The following ZNF496 variants were observed in gnomAD, a reference collection of about 807,000 sequenced individuals.
The protein encoded by ZNF496 is zinc finger protein 496, also known as NSD1 (nuclear receptor binding SET-domain containing 1)-interacting zinc finger protein 1.
A neutral mutation model predicts 58.9 loss-of-function variants in ZNF496; 11 were observed. The observed-to-expected ratio is 0.19, with a 90% CI of 0.12 to 0.31. The LOEUF is 0.31. Ranked by LOEUF, ZNF496 falls within the 10% of genes least tolerant of loss-of-function variation. ZNF496 has a pLI of 1.00. For missense variants in ZNF496, 660 were observed against 783.0 expected, an observed-to-expected ratio of 0.84 and a Z score of 1.88; for synonymous variants, 338 against 318.2, an observed-to-expected ratio of 1.06 and a Z score of -0.66.
chr1:247,307,466 A>G, intron 9 of ZNF496: 1 of 985,452 alleles, frequency 1.0e-6, no homozygotes, highest in Non-Finnish European at 1.2e-6. Context: ...AAGCTAGAGA[A>G]GATTCAAAGT....
At chr1:247,316,149 T>TGTGTGG (rs1659762093) in intron 6 of ZNF496, among the ~76,000 whole-genome samples, 1 of 137,536 alleles carries the variant, frequency 7.3e-6, no homozygotes, top group South Asian at 2.4e-4. Context: ...TGTGTGTGTG[T>TGTGTGG]GTGTGTGTGT....
intron 2 of ZNF496, among the ~76,000 whole-genome samples, chr1:247,330,947 C>G (rs937211573): frequency 6.6e-6 from 1 of 152,280 alleles, no homozygotes; most frequent in African/African-American, 2.4e-5. Context: ...CATATGGGGG[C>G]CGTGGCGGCG....
chr1:247,305,231 C>T (rs984483562), intron 9 of ZNF496, among the ~76,000 whole-genome samples: 2 of 151,978 alleles, frequency 1.3e-5, no homozygotes, highest in African/African-American at 2.4e-5. Context: ...GCCAAGATCG[C>T]GCCACTGTTC....
chr1:247,310,584 T>A, intron 6 of ZNF496, 128 bp from the exon 7 acceptor site: 2 of 1,304,314 alleles, frequency 1.5e-6, no homozygotes, highest in Non-Finnish European at 2.1e-6. Flanking sequence ...AATCTGTTCC[T>A]CACAGTTCTG....
At chr1:247,322,635 A>T in intron 6 of ZNF496, 1 of 1,111,260 alleles carries the variant, frequency 9.0e-7, no homozygotes, top group Non-Finnish European at 1.2e-6. Flanking sequence ...AGAGCACCCG[A>T]GTAAGCAAGT....
At chr1:247,321,970 C>G (rs1659978614) in intron 6 of ZNF496, among the ~76,000 whole-genome samples, 1 of 152,164 alleles carries the variant, frequency 6.6e-6, no homozygotes, top group Non-Finnish European at 1.5e-5. Flanking sequence ...CCATCCCTAG[C>G]CCTCCCTTCT....
Position 247,329,504 on chromosome 1 carries a change from A to G in ZNF496, c.75T>C (p.Pro25=), listed in dbSNP as rs775060987. 77 of 1,589,180 alleles carry G rather than the reference A, an allele frequency of 4.8e-5. No homozygotes were observed. The highest frequency in any genetic ancestry group is 5.1e-5 in the Non-Finnish European group (60 of 1,171,702). ...SEEPRKMRSP[P]GENPSPQGEL... ...CCCCCTGGGGGCTAGGGTTCTCTCCAGGTGGGCTCCTCATTTTCCTGGGCT... is the reference window on the plus strand; with the variant it reads ...CCCCCTGGGGGCTAGGGTTCTCTCCGGGTGGGCTCCTCATTTTCCTGGGCT... Residue 25 remains proline (P), a synonymous_variant, in exon 4 of 10, where the codon CCT becomes CCC. Transcript: ENST00000682384. The surrounding 1 kb of genome is among the most constrained non-coding windows in gnomAD (Gnocchi z 5.5).
In ZNF496 at chr1:247,329,492, A is replaced by G. The variant is rs757758643; in HGVS notation, c.87T>C (p.Pro29=). The change falls in exon 4 of 10, where the codon CCT becomes CCC. Residue 29 remains proline (P), a synonymous_variant. Coordinates refer to ENST00000682384, the MANE Select transcript of ZNF496 (RefSeq NM_032752.3). This position sits in a 1 kb window ranked among gnomAD's most constrained non-coding sequence, Gnocchi z 5.5. ...GGCTGGGAAGCTCCCCCTGGGGGCT[A>G]GGGTTCTCTCCAGGTGGGCTCCTCA... is the stretch of plus-strand genomic sequence containing the variant. The part of the protein sequence containing the change: ...RKMRSPPGEN[P]SPQGELPSPE... 4 of 1,603,064 alleles carry G rather than the reference A, an allele frequency of 2.5e-6. No homozygotes were observed. Among genetic ancestry groups the G allele is most frequent in the South Asian group, 2.2e-5 (2 of 89,888 alleles).
intron 6 of ZNF496, chr1:247,311,301 G>A (rs1244743640): frequency 6.6e-6 from 1 of 151,626 alleles, no homozygotes; most frequent in Non-Finnish European, 1.5e-5. Context: ...TTGGGAGGCT[G>A]AGGCAGGAGA....
intron 2 of ZNF496, among the ~76,000 whole-genome samples, chr1:247,331,116 C>G (rs937166532): frequency 6.6e-6 from 1 of 152,144 alleles, no homozygotes; most frequent in African/African-American, 2.4e-5. Context: ...CCCGCCCCCC[C>G]GAGCACCGGC....
At chr1:247,323,262 T>G (rs200179235) in intron 5 of ZNF496, 32 bp from the exon 6 acceptor site, 1 of 1,581,340 alleles carries the variant, frequency 6.3e-7, no homozygotes, top group African/African-American at 1.3e-5. Flanking sequence ...TGTCCTAAAG[T>G]GGGCCAGGGC....
chr1:247,309,798 C>T lies in ZNF496; in HGVS notation c.793G>A (p.Ala265Thr). Residue 265 changes from alanine to threonine, a missense_variant, in exon 8 of 10, where the codon GCT becomes ACT. Ala to Thr is a moderately conservative substitution (Grantham distance 58). Transcript: ENST00000682384. The surrounding 1 kb of genome is among the most constrained non-coding windows in gnomAD (Gnocchi z 4.3). ...CCCTGGGAGAGATCTGGCTGGGCAGCTAGGTCGTCTGTTCAAAGAAAAAGG... is the reference window on the plus strand; with the variant it reads ...CCCTGGGAGAGATCTGGCTGGGCAGTTAGGTCGTCTGTTCAAAGAAAAAGG... ...YGVSMPPNDL[A>T]AQPDLSQGEE... The T allele has an allele frequency of 1.9e-6, 3 of 1,614,160 alleles. No individual in the cohort carries two copies. Among genetic ancestry groups the T allele is most frequent in the Non-Finnish European group, 2.5e-6 (3 of 1,180,034 alleles).
At chr1:247,327,520 T>C (rs1353603769) in intron 5 of ZNF496, among the ~76,000 whole-genome samples, 2 of 152,224 alleles carry the variant, frequency 1.3e-5, no homozygotes, top group Non-Finnish European at 2.9e-5. Context: ...ACATTTCTGT[T>C]ACATAAGGCA....
intron 7 of ZNF496, chr1:247,310,007 C>T: frequency 7.1e-7 from 1 of 1,410,570 alleles, no homozygotes; most frequent in Non-Finnish European, 9.3e-7. Flanking sequence ...GGGGGTCTCT[C>T]TGAGGCTTTC....
intron 6 of ZNF496, among the ~76,000 whole-genome samples, chr1:247,316,640 A>C (rs1317583139): frequency 6.6e-6 from 1 of 152,126 alleles, no homozygotes; most frequent in Non-Finnish European, 1.5e-5. Flanking sequence ...ATGAGAAGTC[A>C]ATTATTTTTT....
chr1:247,310,151 C>A, intron 7 of ZNF496, 173 bp downstream of exon 7: 1 of 1,444,170 alleles, frequency 6.9e-7, no homozygotes, highest in African/African-American at 1.4e-5. Context: ...GGACACACTG[C>A]CTGTAGGGCC....
Position 247,300,449 on chromosome 1 carries a change from G to C in ZNF496, c.*70C>G, listed in dbSNP as rs1659199966. 6.7e-7 allele frequency: 1 copy of C among 1,487,954 alleles called. No homozygotes were observed. The highest frequency in any genetic ancestry group is 1.3e-5 in the South Asian group (1 of 75,544). 92.2% of individuals were successfully genotyped at this position (1,487,954 alleles called of 1,614,324 possible). A position where few individuals can be genotyped will look rare whatever the true frequency, so the allele number is the denominator to read the frequency against. On this transcript the variant is annotated 3_prime_UTR_variant, in exon 10 of 10. Transcript: ENST00000682384. This position sits in a 1 kb window ranked among gnomAD's most constrained non-coding sequence, Gnocchi z 5.7. ...ATCCTGGGGAAGGTATGTCCTGGGTGGGGGCGCTGATCAGTACCAAGGTGA... is the reference window on the plus strand; with the variant it reads ...ATCCTGGGGAAGGTATGTCCTGGGTCGGGGCGCTGATCAGTACCAAGGTGA...
chr1:247,311,838 TC>T (rs1312625929), intron 6 of ZNF496: 2 of 152,244 alleles, frequency 1.3e-5, no homozygotes, highest in African/African-American at 2.4e-5. Flanking sequence ...CCCAAGGCTC[TC>T]TTGGGCTGGA....
rs192221304 is a variant in ZNF496, at chr1:247,310,464, C to T, written c.652-8G>A. On this transcript the variant is annotated splice_polypyrimidine_tract_variant and splice_region_variant and intron_variant, in intron 6 of 9. Coordinates refer to ENST00000682384, the MANE Select transcript of ZNF496 (RefSeq NM_032752.3). The stretch of plus-strand genomic sequence containing the variant: ...GAATGGAGAAACCCGACTCTGAAAG[C>T]ACAGGAGAACAGGGATGCCTCAGTC... 1.6e-5 allele frequency: 26 copies of T among 1,614,094 alleles called. No homozygotes were observed. In the East Asian group the frequency reaches 5.1e-4, roughly 32 times the overall value.
Sources: allele counts gnomAD v4.1 joint callset (sites outside exome capture counted in the v4.1 genomes callset), GRCh38; gene constraint gnomAD v4.1.1; non-coding constraint Gnocchi (gnomAD v3.1); transcripts MANE v1.5; gene names NCBI Gene and HGNC (gene_info 2026-07-23, HGNC 2026-07-21).